The following FAM117B variants were observed in gnomAD, a reference collection of about 807,000 sequenced individuals.
FAM117B encodes the protein family with sequence similarity 117 member B.
A neutral mutation model predicts 52.8 loss-of-function variants in FAM117B; 22 were observed. The ratio of observed to expected loss-of-function variants is 0.42; its 90% CI spans 0.30 to 0.59. The LOEUF is 0.59. FAM117B is among the 20% of genes least tolerant of loss of function. FAM117B has a pLI of 0.22. For synonymous variants in FAM117B, 309 were observed against 324.1 expected (o/e 0.95, Z 0.50); for missense variants, 678 against 802.6 (o/e 0.84, Z 1.88).
At chr2:202,700,251 C>G (rs893986635) in intron 2 of FAM117B, among the ~76,000 whole-genome samples, 9 of 152,106 alleles carry the variant, frequency 5.9e-5, no homozygotes, top group Non-Finnish European at 1.2e-4. Flanking sequence ...TGAGATAGGC[C>G]AAAAGCTAGG....
intron 2 of FAM117B, among the ~76,000 whole-genome samples, chr2:202,714,677 G>A (rs1191114918): frequency 1.3e-4 from 20 of 151,606 alleles, no homozygotes; most frequent in African/African-American, 3.4e-4. Context: ...AGGACCCTGC[G>A]GCCTTCCGCA....
intron 1 of FAM117B, 133 bp downstream of exon 1, chr2:202,635,921 C>G (rs1689678535): frequency 2.1e-6 from 2 of 930,784 alleles, no homozygotes; most frequent in African/African-American, 1.0e-4. Context: ...GGGGCGGTGC[C>G]GGGCGGTGGG....
chr2:202,637,033 AT>A (rs1014797883), intron 1 of FAM117B, among the ~76,000 whole-genome samples: 2 of 151,588 alleles, frequency 1.3e-5, no homozygotes, highest in Admixed American at 1.3e-4. Flanking sequence ...AGTAGCTGGG[AT>A]TACAGGCGAC....
chr2:202,649,019 T>C (rs984553164), intron 1 of FAM117B, among the ~76,000 whole-genome samples: 3 of 152,178 alleles, frequency 2.0e-5, no homozygotes, highest in Non-Finnish European at 4.4e-5. Flanking sequence ...CTCAAAGTGC[T>C]GGGATTACAG....
At chr2:202,675,842 G>A (rs113156920) in intron 1 of FAM117B, among the ~76,000 whole-genome samples, 11 of 151,968 alleles carry the variant, frequency 7.2e-5, no homozygotes, top group South Asian at 4.1e-4. Flanking sequence ...AGAATTAGCC[G>A]GGTGTGGTGG....
Position 202,765,991 on chromosome 2 carries a change from A to G in FAM117B, c.*227A>G, listed in dbSNP as rs1382803685. 1 of 546,040 alleles carries G rather than the reference A, an allele frequency of 1.8e-6. No homozygotes were observed. The highest frequency in any genetic ancestry group is 3.3e-6 in the Non-Finnish European group (1 of 306,944). 33.8% of individuals were successfully genotyped at this position (546,040 alleles called of 1,614,324 possible). ...TTTTTATCAAAGCACTGATTGAAAC[A>G]AGAAAGGTCTCATTCTTTACCTTTG... On this transcript the variant is annotated 3_prime_UTR_variant, in exon 8 of 8. Coordinates refer to ENST00000392238, the MANE Select transcript of FAM117B (RefSeq NM_173511.4).
intron 4 of FAM117B, among the ~76,000 whole-genome samples, chr2:202,746,265 G>A (rs1049830655): frequency 2.0e-5 from 3 of 151,896 alleles, no homozygotes; most frequent in African/African-American, 7.3e-5. Context: ...CCACAGACTA[G>A]AACTAGGAAT....
intron 1 of FAM117B, among the ~76,000 whole-genome samples, chr2:202,674,213 T>C (rs1690343722): frequency 6.6e-6 from 1 of 152,194 alleles, no homozygotes; most frequent in African/African-American, 2.4e-5. Context: ...CTATCAAGTC[T>C]CAATTTGATA....
chr2:202,679,962 A>G (rs1690438075), intron 1 of FAM117B, among the ~76,000 whole-genome samples: 2 of 152,242 alleles, frequency 1.3e-5, no homozygotes, highest in South Asian at 2.1e-4. Context: ...CAGTATGCTC[A>G]GAGATTTAAA....
At chr2:202,754,537 A>G (rs901275624) in intron 4 of FAM117B, among the ~76,000 whole-genome samples, 2 of 152,044 alleles carry the variant, frequency 1.3e-5, no homozygotes, top group African/African-American at 2.4e-5. Flanking sequence ...AATATAAATA[A>G]TTATATAGAT....
chr2:202,747,826 T>C (rs1691657563), intron 4 of FAM117B, among the ~76,000 whole-genome samples: 1 of 152,110 alleles, frequency 6.6e-6, no homozygotes, highest in Non-Finnish European at 1.5e-5. Flanking sequence ...AATGGAAAGA[T>C]ATCCTATGTT....
chr2:202,638,603 A>G (rs1441199436), intron 1 of FAM117B, among the ~76,000 whole-genome samples: 1 of 152,144 alleles, frequency 6.6e-6, no homozygotes, highest in East Asian at 1.9e-4. Context: ...AAATCCAGAA[A>G]AATAAAAACT....
At chr2:202,661,214 C>T (rs1385032634) in intron 1 of FAM117B, among the ~76,000 whole-genome samples, 1 of 152,104 alleles carries the variant, frequency 6.6e-6, no homozygotes, top group Non-Finnish European at 1.5e-5. Flanking sequence ...ATATGCTGTC[C>T]GGGTTTTTAG....
At chr2:202,731,069 G>A (rs904269863) in intron 4 of FAM117B, among the ~76,000 whole-genome samples, 3 of 151,842 alleles carry the variant, frequency 2.0e-5, no homozygotes, top group African/African-American at 7.3e-5. Flanking sequence ...ATCTGATAAG[G>A]CATTTGTGTC....
intron 4 of FAM117B, among the ~76,000 whole-genome samples, chr2:202,742,384 A>AT (rs1210261801): frequency 1.3e-5 from 2 of 152,248 alleles, no homozygotes; most frequent in Non-Finnish European, 2.9e-5. Flanking sequence ...AAGCCCAAAA[A>AT]TTGACTCAAG....
At chr2:202,685,922 G>A (rs1202846745) in intron 1 of FAM117B, among the ~76,000 whole-genome samples, 1 of 152,106 alleles carries the variant, frequency 6.6e-6, no homozygotes, top group Non-Finnish European at 1.5e-5. Context: ...AGAAGTAGTC[G>A]ATAAATTGTA....
intron 4 of FAM117B, among the ~76,000 whole-genome samples, chr2:202,755,206 GTT>G (rs1691783556): frequency 6.6e-6 from 1 of 152,096 alleles, no homozygotes; most frequent in African/African-American, 2.4e-5. Flanking sequence ...CACTAGGAGA[GTT>G]TAAAGTTATA....
chr2:202,731,332 A>AAAATATATATAT (rs1553522256), intron 4 of FAM117B, among the ~76,000 whole-genome samples: 15 of 30,766 alleles, frequency 4.9e-4, no homozygotes, highest in Non-Finnish European at 1.3e-3. Flanking sequence ...GAGAAATTGG[A>AAAATATATATAT]ATATATATAT....
chr2:202,740,169 TC>T (rs1553523190), intron 4 of FAM117B, among the ~76,000 whole-genome samples: 446 of 7,398 alleles, frequency 0.06, 112 homozygotes, highest in African/African-American at 0.2. Context: ...CGAGACTTCA[TC>T]CCCCAAAAAA....
Sources: gnomAD v4.1 joint callset for allele counts (sites outside exome capture counted in the v4.1 genomes callset) on GRCh38, gnomAD v4.1.1 for gene constraint, MANE v1.5 for transcripts, NCBI Gene and HGNC (gene_info 2026-07-23, HGNC 2026-07-21) for gene names.